FBXL17: variants seen among roughly 807,000 people sequenced by gnomAD.
The protein encoded by FBXL17 is F-box and leucine rich repeat protein 17, also known as F-box/LRR-repeat protein 17.
Under a neutral mutation model 66.2 loss-of-function variants are expected in FBXL17, and 22 were observed. The observed-to-expected ratio is 0.33, with a 90% confidence interval of 0.24 to 0.47. The LOEUF is 0.47. FBXL17 is among the 20% of genes least tolerant of loss of function. The pLI is 1.00. For synonymous variants in FBXL17, 474 were observed against 400.5 expected (o/e 1.18, Z -2.19); for missense variants, 878 against 948.2 (o/e 0.93, Z 0.97).
In FBXL17 at chr5:108,337,708, T is replaced by TAAA. The variant is rs70996991; in HGVS notation, c.1506+10688_1506+10690dup. Among the ~76,000 whole-genome samples, 6 of 142,330 alleles carry TAAA rather than the reference T, an allele frequency of 4.2e-5. No homozygotes were observed. The East Asian group carries it at 6.0e-4, about 14-fold the overall frequency. 93.4% of individuals were successfully genotyped at this position (142,330 alleles called of 152,430 possible). ...GTGATAAAAGGACAAGTACAAAAAG[T>TAAA]AAAAAAAAAAAAAAGTAATAAGACA... On this transcript the variant is annotated intron_variant, in intron 4 of 8. Transcript: ENST00000542267.
chr5:108,043,239 G>A (rs574211637), intron 6 of FBXL17, among the ~76,000 whole-genome samples: 1 of 152,244 alleles, frequency 6.6e-6, no homozygotes, highest in South Asian at 2.1e-4. Flanking sequence ...ATGAAATCCA[G>A]TTTGTCAATT....
chr5:108,330,210 T>C (rs1410543340), intron 4 of FBXL17, among the ~76,000 whole-genome samples: 1 of 152,172 alleles, frequency 6.6e-6, no homozygotes, highest in Non-Finnish European at 1.5e-5. Context: ...TATAAAATAA[T>C]GTCACACCAC....
intron 7 of FBXL17, among the ~76,000 whole-genome samples, chr5:107,988,655 T>C (rs903875078): frequency 1.3e-5 from 2 of 152,050 alleles, no homozygotes; most frequent in African/African-American, 4.8e-5. Context: ...ATTTGGATGA[T>C]AGTTTTTAAA....
intron 5 of FBXL17, among the ~76,000 whole-genome samples, chr5:108,196,032 C>T (rs1227975591): frequency 2.6e-5 from 4 of 151,948 alleles, no homozygotes; most frequent in Non-Finnish European, 4.4e-5. Context: ...ATTTACGCCT[C>T]TACATTTAAT....
intron 4 of FBXL17, among the ~76,000 whole-genome samples, chr5:108,272,987 A>T (rs1031153069): frequency 6.6e-6 from 1 of 152,118 alleles, no homozygotes; most frequent in African/African-American, 2.4e-5. Context: ...AGTACAAAAG[A>T]GATAAATTTT....
At chr5:107,943,190 T>A (rs1481229495) in intron 7 of FBXL17, among the ~76,000 whole-genome samples, 1 of 152,060 alleles carries the variant, frequency 6.6e-6, no homozygotes, top group African/African-American at 2.4e-5. Flanking sequence ...ACACTTTGAG[T>A]CCCAGACTCT....
At chr5:108,059,825 T>C (rs1005799406) in intron 6 of FBXL17, among the ~76,000 whole-genome samples, 2 of 152,122 alleles carry the variant, frequency 1.3e-5, no homozygotes, top group East Asian at 3.8e-4. Context: ...CTCGGGAGTA[T>C]TTCTAAATTT....
At chr5:108,234,257 C>T (rs1427065683) in intron 4 of FBXL17, among the ~76,000 whole-genome samples, 1 of 152,182 alleles carries the variant, frequency 6.6e-6, no homozygotes, top group South Asian at 2.1e-4. Flanking sequence ...GTACTAGTTG[C>T]CACCGGGTTG....
chr5:108,057,642 T>G (rs1182966715), intron 6 of FBXL17, among the ~76,000 whole-genome samples: 1 of 152,184 alleles, frequency 6.6e-6, no homozygotes, highest in Non-Finnish European at 1.5e-5. Context: ...AAAGAACTTG[T>G]ATACAAATGT....
chr5:108,251,056 T>C (rs1359278292), intron 4 of FBXL17, among the ~76,000 whole-genome samples: 2 of 152,076 alleles, frequency 1.3e-5, no homozygotes, highest in Non-Finnish European at 2.9e-5. Context: ...ACAAATATCC[T>C]TGTAGATATA....
At chr5:107,967,386 C>T (rs559890768) in intron 7 of FBXL17, among the ~76,000 whole-genome samples, 1 of 151,892 alleles carries the variant, frequency 6.6e-6, no homozygotes, top group South Asian at 2.1e-4. Flanking sequence ...CCAATGTTGA[C>T]AGCTAAGTTT....
intron 4 of FBXL17, among the ~76,000 whole-genome samples, chr5:108,236,510 C>T (rs1282823048): frequency 1.3e-5 from 2 of 149,152 alleles, no homozygotes; most frequent in Non-Finnish European, 3.0e-5. Flanking sequence ...AAGACTCTGT[C>T]TAAAAAAAAA....
At chr5:108,263,630 G>A (rs79027308) in intron 4 of FBXL17, among the ~76,000 whole-genome samples, 3,189 of 152,056 alleles carry the variant, frequency 0.021, 117 homozygotes, top group African/African-American at 0.073. Flanking sequence ...AAAATCAAAG[G>A]TGTTTCCACA....
At chr5:108,206,964 T>G (rs1260787421) in intron 5 of FBXL17, among the ~76,000 whole-genome samples, 2 of 152,180 alleles carry the variant, frequency 1.3e-5, no homozygotes, top group Non-Finnish European at 2.9e-5. Context: ...GTAAACACTT[T>G]GGACCATTTT....
chr5:108,359,510 C>G (rs1748209610), intron 3 of FBXL17, among the ~76,000 whole-genome samples: 1 of 152,144 alleles, frequency 6.6e-6, no homozygotes, highest in Non-Finnish European at 1.5e-5. Flanking sequence ...TCTCACTCAT[C>G]TCAAGATATT....
chr5:107,891,863 A>G (rs967128695), intron 7 of FBXL17, among the ~76,000 whole-genome samples: 9 of 152,100 alleles, frequency 5.9e-5, no homozygotes, highest in Non-Finnish European at 1.0e-4. Context: ...TTATTATTCA[A>G]TATACATTTG....
intron 4 of FBXL17, among the ~76,000 whole-genome samples, chr5:108,280,259 T>A (rs182823182): frequency 2.2e-4 from 34 of 152,206 alleles, no homozygotes; most frequent in Admixed American, 1.8e-3. Flanking sequence ...GGAAATTACA[T>A]CAGATTAACA....
chr5:107,938,057 G>C (rs1336447009), intron 7 of FBXL17, among the ~76,000 whole-genome samples: 3 of 152,144 alleles, frequency 2.0e-5, no homozygotes, highest in African/African-American at 7.2e-5. Flanking sequence ...TAAACACTGA[G>C]AGAGGAGCAC....
At chr5:108,153,224 T>C (rs1164684861) in intron 6 of FBXL17, among the ~76,000 whole-genome samples, 1 of 152,220 alleles carries the variant, frequency 6.6e-6, no homozygotes, top group African/African-American at 2.4e-5. Flanking sequence ...AACACACTAA[T>C]ACAGCAGCCT....
Sources: gnomAD v4.1 joint callset for allele counts (sites outside exome capture counted in the v4.1 genomes callset) on GRCh38, gnomAD v4.1.1 for gene constraint, MANE v1.5 for transcripts, NCBI Gene and HGNC (gene_info 2026-07-23, HGNC 2026-07-21) for gene names.